The following ICA1 variants were observed in gnomAD, a reference collection of about 807,000 sequenced individuals.
ICA1 encodes the protein 69 kDa islet cell autoantigen.
ICA1 carries 40 observed loss-of-function variants against 71.0 expected under a neutral mutation model. The observed-to-expected ratio is 0.56, with a 90% CI of 0.44 to 0.73. The LOEUF (loss-of-function observed/expected upper bound fraction) is 0.73, where lower values mean the gene tolerates loss of function less well. Among genes scored for constraint, ICA1 ranks in the 30% least tolerant of loss-of-function variants. ICA1 has a pLI of 0.00. For missense variants in ICA1, 578 were observed against 576.5 expected (o/e 1.00, Z -0.03); for synonymous variants, 207 against 209.5 (o/e 0.99, Z 0.10).
At chr7:8,216,069 C>T (rs1795304916) in intron 6 of ICA1, among the ~76,000 whole-genome samples, 1 of 152,244 alleles carries the variant, frequency 6.6e-6, no homozygotes, top group Non-Finnish European at 1.5e-5. Flanking sequence ...ATTAATAACG[C>T]AACTTCTTAC....
At chr7:8,170,178 T>C (rs1458237469) in intron 6 of ICA1, among the ~76,000 whole-genome samples, 1 of 151,936 alleles carries the variant, frequency 6.6e-6, no homozygotes, top group Non-Finnish European at 1.5e-5. Context: ...GGTCTATTTC[T>C]GGACTTTCTA....
intron 1 of ICA1, among the ~76,000 whole-genome samples, chr7:8,254,373 C>T (rs1809289181): frequency 6.6e-6 from 1 of 151,488 alleles, no homozygotes; most frequent in Admixed American, 6.6e-5. Flanking sequence ...GGAATGCAGG[C>T]AGTCCAGGCA....
At chr7:8,214,036 C>T (rs1397979545) in intron 6 of ICA1, among the ~76,000 whole-genome samples, 1 of 152,166 alleles carries the variant, frequency 6.6e-6, no homozygotes, top group East Asian at 1.9e-4. Context: ...TAATAAATGG[C>T]CCTCATTAAA....
chr7:8,212,216 T>G (rs1298415494), intron 6 of ICA1, among the ~76,000 whole-genome samples: 1 of 152,114 alleles, frequency 6.6e-6, no homozygotes, highest in East Asian at 1.9e-4. Flanking sequence ...AAAGTACATG[T>G]CAGTCCTTCT....
chr7:8,143,699 T>C (rs1479952056), intron 9 of ICA1, among the ~76,000 whole-genome samples, 176 bp downstream of exon 9: 3 of 152,302 alleles, frequency 2.0e-5, no homozygotes, highest in East Asian at 1.9e-4. Context: ...ACGTGAGTCA[T>C]GACCTAGCAG....
intron 1 of ICA1, among the ~76,000 whole-genome samples, chr7:8,255,553 CA>C (rs2128546323): frequency 6.6e-6 from 1 of 152,252 alleles, no homozygotes; most frequent in East Asian, 1.9e-4. Context: ...AGCTGTATGC[CA>C]ACAACTTCCA....
intron 6 of ICA1, among the ~76,000 whole-genome samples, chr7:8,178,149 TC>T (rs1781153054): frequency 6.6e-6 from 1 of 152,222 alleles, no homozygotes. Context: ...TTTTGTAAGT[TC>T]CCAGTGTTCA....
chr7:8,235,024 C>T lies in ICA1; in HGVS notation c.17+886G>A, dbSNP rs112507421. Among the ~76,000 whole-genome samples, 893 of 152,128 alleles carry T rather than the reference C, an allele frequency of 5.9e-3. 6 individuals are homozygous for T. The highest frequency in any genetic ancestry group is 0.02 in the African/African-American group (827 of 41,482). ...ACTAAAAATACAAAAATTAGCCAGGCGTGGTGGCACATGCCTGTAATCCCA... is the reference window on the plus strand; with the variant it reads ...ACTAAAAATACAAAAATTAGCCAGGTGTGGTGGCACATGCCTGTAATCCCA... On this transcript the variant is annotated intron_variant, in intron 2 of 13. Coordinates refer to ENST00000402384, the MANE Select transcript of ICA1 (RefSeq NM_001136020.3).
At chr7:8,150,322 T>A (rs1183896161) in intron 8 of ICA1, among the ~76,000 whole-genome samples, 2 of 152,228 alleles carry the variant, frequency 1.3e-5, no homozygotes, top group African/African-American at 4.8e-5. Flanking sequence ...ACCAAGCTCA[T>A]ACCAAACACT....
intron 1 of ICA1, among the ~76,000 whole-genome samples, chr7:8,245,548 T>TA (rs1805667743): frequency 6.6e-6 from 1 of 152,140 alleles, no homozygotes; most frequent in African/African-American, 2.4e-5. Context: ...CCCTAGAACT[T>TA]AAAGTATAAT....
intron 9 of ICA1, chr7:8,142,119 A>C: frequency 1.3e-6 from 1 of 764,482 alleles, no homozygotes; most frequent in Non-Finnish European, 1.9e-6. Flanking sequence ...AAATAGTAAA[A>C]ATTGATAGTT....
intron 8 of ICA1, among the ~76,000 whole-genome samples, chr7:8,152,657 CACCACCACCACCATT>C (rs1248444817): frequency 4.0e-5 from 6 of 150,024 alleles, no homozygotes; most frequent in Non-Finnish European, 9.0e-5. Context: ...CCACCACCAC[CACCACCACCACCATT>C]ATCTCCTTCA....
chr7:8,188,891 G>T (rs1784680015), intron 6 of ICA1, among the ~76,000 whole-genome samples: 1 of 152,174 alleles, frequency 6.6e-6, no homozygotes, highest in Non-Finnish European at 1.5e-5. Flanking sequence ...AAAGAGGAGG[G>T]CAAGACTTTC....
chr7:8,159,110 A>T (rs150143194), intron 6 of ICA1, among the ~76,000 whole-genome samples: 70 of 152,302 alleles, frequency 4.6e-4, no homozygotes, highest in African/African-American at 1.6e-3. Flanking sequence ...CAGTGATACA[A>T]TCCTATTTAC....
chr7:8,215,583 C>T (rs1003035835), intron 6 of ICA1, among the ~76,000 whole-genome samples: 2 of 152,154 alleles, frequency 1.3e-5, no homozygotes, highest in African/African-American at 2.4e-5. Flanking sequence ...CTGTATTCCC[C>T]TGGATGCTGC....
At chr7:8,115,676 G>A in intron 13 of ICA1, among the ~76,000 whole-genome samples, 1 of 152,164 alleles carries the variant, frequency 6.6e-6, no homozygotes, top group East Asian at 1.9e-4. Context: ...GATGATAATG[G>A]AGTACACACT....
intron 1 of ICA1, among the ~76,000 whole-genome samples, chr7:8,258,764 T>G (rs906001577): frequency 6.6e-6 from 1 of 152,226 alleles, no homozygotes; most frequent in Non-Finnish European, 1.5e-5. Flanking sequence ...CTATGTTAAT[T>G]TGATGCTATA....
chr7:8,141,623 G>A, intron 10 of ICA1, 142 bp downstream of exon 10: 1 of 581,012 alleles, frequency 1.7e-6, no homozygotes, highest in African/African-American at 1.9e-5. Context: ...ATTTAGAACT[G>A]AGTCTACAGG....
At position 8,139,116 on chromosome 7, in the gene ICA1, G is replaced by A; in HGVS notation, c.956-69C>T. On this transcript the variant is annotated intron_variant, in intron 10 of 13. Transcript: ENST00000402384. ...GTGTGCATGTTCATACGCTATTGCAGTGTAAGGTAAATGCACGGCTTCAGG... is the reference window on the plus strand; with the variant it reads ...GTGTGCATGTTCATACGCTATTGCAATGTAAGGTAAATGCACGGCTTCAGG... 4.8e-6 allele frequency: 6 copies of A among 1,245,586 alleles called. 1 individual carries two copies. The South Asian group carries it at 6.2e-5, about 13-fold the overall frequency. 77.2% of individuals were successfully genotyped at this position (1,245,586 alleles called of 1,614,324 possible).
Sources: allele counts gnomAD v4.1 joint callset (sites outside exome capture counted in the v4.1 genomes callset), GRCh38; gene constraint gnomAD v4.1.1; transcripts MANE v1.5; gene names NCBI Gene and HGNC (gene_info 2026-07-23, HGNC 2026-07-21).